Variants in TIMM9 observed in about 807,000 individuals in gnomAD.
TIMM9 encodes the protein mitochondrial import inner membrane translocase subunit Tim9.
TIMM9 carries 10 observed loss-of-function variants against 13.4 expected under a neutral mutation model. That is an observed-to-expected ratio of 0.75 (90% CI 0.46 to 1.26). The LOEUF is 1.26. TIMM9 is among the 50% of genes most tolerant of loss of function. The pLI is 0.00. For missense variants in TIMM9, 87 were observed against 100.8 expected (o/e 0.86, Z 0.58); for synonymous variants, 32 against 32.1 (o/e 1.00, Z 0.01).
intron 3 of TIMM9, among the ~76,000 whole-genome samples, chr14:58,413,462 A>T (rs1015278107): frequency 6.6e-5 from 10 of 152,244 alleles, no homozygotes; most frequent in African/African-American, 2.4e-4. Context: ...TATACATTCT[A>T]CTACACATTC....
At chr14:58,416,781 G>A (rs78219991) in intron 3 of TIMM9, among the ~76,000 whole-genome samples, 5,546 of 152,292 alleles carry the variant, frequency 0.036, 139 homozygotes, top group South Asian at 0.067. Context: ...TCAGTGCCAT[G>A]AGAAAAAGTT....
chr14:58,411,862 TA>T, intron 4 of TIMM9, 44 bp downstream of exon 4: 1 of 1,583,580 alleles, frequency 6.3e-7, no homozygotes, highest in South Asian at 1.1e-5. Context: ...AGTAGCACCT[TA>T]CATTTTTTTG....
chr14:58,413,029 T>C (rs1188010622), intron 3 of TIMM9, among the ~76,000 whole-genome samples: 1 of 152,214 alleles, frequency 6.6e-6, no homozygotes, highest in Non-Finnish European at 1.5e-5. Flanking sequence ...TTTACTATTA[T>C]ACTCAGTCGA....
Position 58,408,660 on chromosome 14 carries a change from C to T in TIMM9, c.*374G>A. The T allele has an allele frequency of 2.2e-6, 3 of 1,383,858 alleles. No homozygotes were observed. Among genetic ancestry groups the T allele is most frequent in the Non-Finnish European group, 3.0e-6 (3 of 1,009,136 alleles). 85.7% of individuals were successfully genotyped at this position (1,383,858 alleles called of 1,614,324 possible). A position where few individuals can be genotyped will look rare whatever the true frequency, so the allele number is the denominator to read the frequency against. ...TATAAACAACTGCTCAGTGATATTT[C>T]CATTTATTTTACTTTGAGTAATAAA... On this transcript the variant is annotated 3_prime_UTR_variant, in exon 6 of 6. Transcript: ENST00000395159.
At chr14:58,412,042 G>C in intron 3 of TIMM9, 71 bp from the exon 4 acceptor site, 1 of 1,086,106 alleles carries the variant, frequency 9.2e-7, no homozygotes, top group Non-Finnish European at 1.4e-6. Flanking sequence ...AAGAGTTAGG[G>C]AATCACTGCT....
chr14:58,417,207 C>A (rs1017130965), intron 3 of TIMM9, among the ~76,000 whole-genome samples: 1 of 152,148 alleles, frequency 6.6e-6, no homozygotes, highest in Admixed American at 6.5e-5. Flanking sequence ...GTCCATTAAA[C>A]CTCTTTCTTT....
At chr14:58,413,492 T>C (rs961316445) in intron 3 of TIMM9, among the ~76,000 whole-genome samples, 2 of 152,128 alleles carry the variant, frequency 1.3e-5, no homozygotes, top group Non-Finnish European at 2.9e-5. Flanking sequence ...AAAAGGGCAA[T>C]CACAGAGACT....
At chr14:58,422,892 T>G (rs1017270271) in intron 3 of TIMM9, among the ~76,000 whole-genome samples, 6 of 152,020 alleles carry the variant, frequency 3.9e-5, no homozygotes, top group Non-Finnish European at 8.8e-5. Flanking sequence ...TTACTACATC[T>G]TCCGCCTCCT....
At position 58,420,775 on chromosome 14, in the gene TIMM9, G is replaced by A. The variant is rs575012962; in HGVS notation, c.-27+3233C>T. Among the ~76,000 whole-genome samples, 7 of 118,056 alleles carry A rather than the reference G, an allele frequency of 5.9e-5. No individual in the cohort carries two copies. The East Asian group carries it at 1.3e-3, about 22-fold the overall frequency. The allele number at this position is 118,056 out of a possible 152,430, so 77.4% of individuals were successfully genotyped here. On this transcript the variant is annotated intron_variant, in intron 3 of 5. Coordinates refer to ENST00000395159, the MANE Select transcript of TIMM9 (RefSeq NM_012460.4). Reference sequence around the variant, plus strand: ...GCCACTGCACTCCAACCTGGGTGACGAGAGCAAAAATCCATCTCAAAAAAA... The same window carrying A: ...GCCACTGCACTCCAACCTGGGTGACAAGAGCAAAAATCCATCTCAAAAAAA...
At chr14:58,409,289 T>G (rs1013438911) in intron 5 of TIMM9, 121 bp from the exon 6 acceptor site, 30 of 1,097,358 alleles carry the variant, frequency 2.7e-5, no homozygotes, top group Non-Finnish European at 3.9e-5. Flanking sequence ...GAGAATTAAA[T>G]AGTACTAATT....
chr14:58,414,555 T>C lies in TIMM9; in HGVS notation c.-26-2584A>G, dbSNP rs796862314. ...GAGTTGGAGACAAGCCTGGACAGCA[T>C]AGTGAAACCGCATCTCTACTGAAAA... On this transcript the variant is annotated intron_variant, in intron 3 of 5. Transcript: ENST00000395159. Among the ~76,000 whole-genome samples, 17 of 151,894 alleles carry C rather than the reference T, an allele frequency of 1.1e-4. 1 individual carries two copies. The highest frequency in any genetic ancestry group is 3.9e-4 in the African/African-American group (16 of 41,422).
At chr14:58,425,479 G>T (rs1194313160) in intron 2 of TIMM9, among the ~76,000 whole-genome samples, 1 of 151,618 alleles carries the variant, frequency 6.6e-6, no homozygotes, top group East Asian at 1.9e-4. Context: ...CAGGAGGATT[G>T]CCTGAGCTCA....
rs1376029718 is a variant in TIMM9 at position 58,408,604 on chromosome 14, A to G, written c.*430T>C. On this transcript the variant is annotated 3_prime_UTR_variant, in exon 6 of 6. Coordinates refer to ENST00000395159, the MANE Select transcript of TIMM9 (RefSeq NM_012460.4). ...TTGAAAAACATTTCAACGTATCCAC[A>G]GTCCAGTGAGAATACTATGGTACCA... The G allele has an allele frequency of 6.2e-7, 1 of 1,609,826 alleles. No individual in the cohort carries two copies. The highest frequency in any genetic ancestry group is 8.5e-7 in the Non-Finnish European group (1 of 1,176,534).
intron 3 of TIMM9, among the ~76,000 whole-genome samples, chr14:58,418,529 G>A (rs2036486505): frequency 6.6e-6 from 1 of 152,156 alleles, no homozygotes; most frequent in Non-Finnish European, 1.5e-5. Flanking sequence ...CTGTTTGCAT[G>A]TAATATAATT....
At position 58,411,953 on chromosome 14, in the gene TIMM9, T is replaced by C. The variant is rs1334010657; in HGVS notation, c.-8A>G. 6.2e-7 allele frequency: 1 copy of C among 1,613,494 alleles called. No homozygotes were observed. Among genetic ancestry groups the C allele is most frequent in the Non-Finnish European group, 8.5e-7 (1 of 1,179,432 alleles). Reference sequence around the variant, plus strand: ...TGGTATTTGTGCAGCCATATTCTTCTGGTACCTTTATTAGTCACCTAATTT... The same window carrying C: ...TGGTATTTGTGCAGCCATATTCTTCCGGTACCTTTATTAGTCACCTAATTT... On this transcript the variant is annotated 5_prime_UTR_variant, in exon 4 of 6. Coordinates refer to ENST00000395159, the MANE Select transcript of TIMM9 (RefSeq NM_012460.4).
intron 4 of TIMM9, among the ~76,000 whole-genome samples, chr14:58,411,546 G>T (rs1566747108): frequency 6.8e-6 from 1 of 147,218 alleles, no homozygotes; most frequent in African/African-American, 2.5e-5. Flanking sequence ...CACTGACATG[G>T]TTTTTTTTTT....
rs2140361447 is a variant in TIMM9 at position 58,427,123 on chromosome 14, G to C, written c.-184C>G. 1 of 162,822 alleles carries C rather than the reference G, an allele frequency of 6.1e-6. No homozygotes were observed. Among genetic ancestry groups the C allele is most frequent in the African/African-American group, 2.4e-5 (1 of 41,670 alleles). 10.1% of individuals were successfully genotyped at this position (162,822 alleles called of 1,614,324 possible). A position where few individuals can be genotyped will look rare whatever the true frequency, so the allele number is the denominator to read the frequency against. Reference sequence around the variant, plus strand: ...TTGTTGGGGGACGGTTGAGCCTTGGGAGGGAGGGTCAGGGTCTGGACAGGA... The same window carrying C: ...TTGTTGGGGGACGGTTGAGCCTTGGCAGGGAGGGTCAGGGTCTGGACAGGA... On this transcript the variant is annotated 5_prime_UTR_variant, in exon 2 of 6. Transcript: ENST00000395159.
At chr14:58,426,782 T>G (rs746451160) in intron 2 of TIMM9, among the ~76,000 whole-genome samples, 5 of 152,156 alleles carry the variant, frequency 3.3e-5, no homozygotes, top group Admixed American at 6.5e-5. Flanking sequence ...AAATACCTTA[T>G]AGTCTAATTC....
chr14:58,420,737 G>A (rs759913401), intron 3 of TIMM9, among the ~76,000 whole-genome samples: 10 of 140,994 alleles, frequency 7.1e-5, no homozygotes, highest in Non-Finnish European at 1.4e-4. Flanking sequence ...AGGTTGCAGT[G>A]AGCCGGGATC....
Sources: gnomAD v4.1 joint callset for allele counts (sites outside exome capture counted in the v4.1 genomes callset) on GRCh38, gnomAD v4.1.1 for gene constraint, MANE v1.5 for transcripts, NCBI Gene and HGNC (gene_info 2026-07-23, HGNC 2026-07-21) for gene names.